The following ASIC2 variants were observed in gnomAD, a reference collection of about 807,000 sequenced individuals.
The protein encoded by ASIC2 is acid sensing ion channel subunit 2.
Under a neutral mutation model 57.3 loss-of-function variants are expected in ASIC2, and 25 were observed. The ratio of observed to expected loss-of-function variants is 0.44; its 90% CI spans 0.32 to 0.61. ASIC2 has a LOEUF of 0.61. Ranked by LOEUF, ASIC2 falls within the 20% of genes least tolerant of loss-of-function variation. The pLI is 0.06. For missense variants in ASIC2, 641 were observed against 738.1 expected (o/e 0.87, Z 1.52); for synonymous variants, 319 against 307.5 (o/e 1.04, Z -0.39).
intron 3 of ASIC2, among the ~76,000 whole-genome samples, chr17:33,032,028 A>G (rs763332671): frequency 6.6e-6 from 1 of 152,136 alleles, no homozygotes; most frequent in Non-Finnish European, 1.5e-5. Context: ...TTTAAGGTAC[A>G]TCTATTTGAG....
chr17:33,388,938 T>C (rs769853775), intron 1 of ASIC2, among the ~76,000 whole-genome samples: 2 of 152,178 alleles, frequency 1.3e-5, no homozygotes, highest in Admixed American at 6.5e-5. Context: ...CAGGAGCTCA[T>C]GAAGAAGTTA....
chr17:33,896,756 G>A (rs187492020), intron 1 of ASIC2, among the ~76,000 whole-genome samples: 231 of 152,306 alleles, frequency 1.5e-3, no homozygotes, highest in African/African-American at 5.2e-3. Context: ...TATGATAGGC[G>A]AAACAGTTTA....
chr17:34,036,949 C>T (rs1340813045), intron 1 of ASIC2: 1 of 152,434 alleles, frequency 6.6e-6, no homozygotes. Flanking sequence ...GAGAAAGCTG[C>T]ATCTGATTGG....
At chr17:33,123,834 G>T (rs531884149) in intron 1 of ASIC2, among the ~76,000 whole-genome samples, 3 of 152,314 alleles carry the variant, frequency 2.0e-5, no homozygotes, top group African/African-American at 7.2e-5. Flanking sequence ...CACCTGCTGG[G>T]AATATCCCTT....
In ASIC2 at chr17:34,085,908, G is replaced by A. The variant is rs1210137900; in HGVS notation, c.555+70070C>T. Among the ~76,000 whole-genome samples, 5 of 151,618 alleles carry A rather than the reference G, an allele frequency of 3.3e-5. No homozygotes were observed. The East Asian group carries it at 9.6e-4, about 29-fold the overall frequency. ...CATCCCCTTTATCATTTTTTATTGT[G>A]TCTATTTGATTCTTCTCTCGTTTTT... On this transcript the variant is annotated intron_variant, in intron 1 of 9. Transcript: ENST00000359872.
At chr17:33,858,774 C>T (rs765907526) in intron 1 of ASIC2, among the ~76,000 whole-genome samples, 10 of 152,192 alleles carry the variant, frequency 6.6e-5, no homozygotes, top group Non-Finnish European at 1.2e-4. Context: ...CCCAGGTTCT[C>T]CCTTCTAGAC....
intron 1 of ASIC2, among the ~76,000 whole-genome samples, chr17:33,420,683 C>T (rs1489760558): frequency 6.6e-6 from 1 of 152,160 alleles, no homozygotes; most frequent in Non-Finnish European, 1.5e-5. Flanking sequence ...CCACCCCCCT[C>T]CAAAATAGTT....
At chr17:33,497,665 T>C (rs948172814) in intron 1 of ASIC2, among the ~76,000 whole-genome samples, 2 of 152,076 alleles carry the variant, frequency 1.3e-5, no homozygotes, top group Non-Finnish European at 2.9e-5. Context: ...GGCACGAAGG[T>C]GCCATTGTGC....
chr17:34,013,643 T>A (rs1366860844), intron 1 of ASIC2, among the ~76,000 whole-genome samples: 1 of 152,158 alleles, frequency 6.6e-6, no homozygotes, highest in African/African-American at 2.4e-5. Context: ...TCACACCACA[T>A]GGGTGCTGTT....
chr17:33,463,987 A>G (rs1166064932), intron 1 of ASIC2, among the ~76,000 whole-genome samples: 1 of 151,814 alleles, frequency 6.6e-6, no homozygotes, highest in Admixed American at 6.6e-5. Context: ...TACCCTTATG[A>G]GTGGCATCTG....
intron 1 of ASIC2, among the ~76,000 whole-genome samples, chr17:33,965,951 C>A (rs1905061041): frequency 6.6e-6 from 1 of 152,194 alleles, no homozygotes; most frequent in African/African-American, 2.4e-5. Context: ...CAGCTCAGAC[C>A]ACTTGCCTAT....
intron 1 of ASIC2, among the ~76,000 whole-genome samples, chr17:33,547,966 G>A (rs1915633526): frequency 6.6e-6 from 1 of 152,218 alleles, no homozygotes; most frequent in Non-Finnish European, 1.5e-5. Context: ...GATACAGCCA[G>A]CCATCACAGC....
chr17:33,603,012 G>A (rs1007277401), intron 1 of ASIC2, among the ~76,000 whole-genome samples: 1 of 152,200 alleles, frequency 6.6e-6, no homozygotes, highest in Admixed American at 6.5e-5. Context: ...GGCACAGAGT[G>A]TGAACATTTT....
At chr17:34,002,876 G>A (rs1906390976) in intron 1 of ASIC2, 1 of 152,084 alleles carries the variant, frequency 6.6e-6, no homozygotes, top group African/African-American at 2.4e-5. Flanking sequence ...ATACATTGCT[G>A]TTATCTATCA....
intron 1 of ASIC2, among the ~76,000 whole-genome samples, chr17:33,889,658 A>T (rs902068173): frequency 6.6e-6 from 1 of 152,144 alleles, no homozygotes; most frequent in East Asian, 1.9e-4. Context: ...TTTCAATCAG[A>T]TGTTCACACC....
rs576490377 is a variant in ASIC2 at position 33,602,139 on chromosome 17, G to C, written c.556-490072C>G. 2.6e-5 allele frequency among the ~76,000 whole-genome samples: 4 copies of C among 152,190 alleles called. No individual in the cohort carries two copies. In the South Asian group the frequency reaches 8.3e-4, roughly 32 times the overall value. On this transcript the variant is annotated intron_variant, in intron 1 of 9. Coordinates refer to the ASIC2 transcript ENST00000359872. ...ATAAGACTTTGGAGTTTGGACTTTCGAGTTGATGCTGGAATAAGTTAGGAC... is the reference window on the plus strand; with the variant it reads ...ATAAGACTTTGGAGTTTGGACTTTCCAGTTGATGCTGGAATAAGTTAGGAC...
intron 1 of ASIC2, among the ~76,000 whole-genome samples, chr17:33,836,205 C>T (rs938978483): frequency 2.7e-5 from 4 of 148,390 alleles, no homozygotes; most frequent in Non-Finnish European, 5.9e-5. Context: ...GCAACCTCTA[C>T]CTCCTGGGTT....
chr17:33,297,853 A>AATAAATAG (rs1439364980), upstream of ASIC2, among the ~76,000 whole-genome samples: 3 of 145,680 alleles, frequency 2.1e-5, no homozygotes, highest in Non-Finnish European at 4.4e-5. Flanking sequence ...TAAATAAATA[A>AATAAATAG]ATAAATAAAT....
intron 1 of ASIC2, among the ~76,000 whole-genome samples, chr17:34,113,615 T>C (rs376657433): frequency 1.3e-5 from 2 of 151,144 alleles, no homozygotes; most frequent in African/African-American, 2.4e-5. Context: ...TGGTGACTCA[T>C]GCCTATAATC....
Sources: allele counts gnomAD v4.1 joint callset (sites outside exome capture counted in the v4.1 genomes callset), GRCh38; gene constraint gnomAD v4.1.1; transcripts MANE v1.5; gene names NCBI Gene and HGNC (gene_info 2026-07-23, HGNC 2026-07-21).